HDAC4: variants seen among roughly 807,000 people sequenced by gnomAD.
HDAC4 encodes histone deacetylase 4, also known as histone deacetylase A.
HDAC4 carries 16 observed loss-of-function variants against 135.1 expected under a neutral mutation model. The ratio of observed to expected loss-of-function variants is 0.12; its 90% CI spans 0.08 to 0.18. The LOEUF (loss-of-function observed/expected upper bound fraction) is 0.18, where lower values mean the gene tolerates loss of function less well. HDAC4 is among the 10% of genes least tolerant of loss of function. The pLI is 1.00. For missense variants in HDAC4, 1,143 were observed against 1,511.8 expected (o/e 0.76, Z 4.05); for synonymous variants, 685 against 653.4 (o/e 1.05, Z -0.74).
At chr2:239,092,070 C>CA (rs2152728389) in intron 17 of HDAC4, among the ~76,000 whole-genome samples, 1 of 152,014 alleles carries the variant, frequency 6.6e-6, no homozygotes, top group African/African-American at 2.4e-5. Flanking sequence ...GACTCCGTCT[C>CA]AAAAACAAAC....
chr2:239,274,274 C>T (rs1241358225), intron 2 of HDAC4, among the ~76,000 whole-genome samples: 3 of 152,222 alleles, frequency 2.0e-5, no homozygotes. Context: ...GTTACACCCT[C>T]CCAGCTCATT....
chr2:239,137,298 C>T (rs1043695847), intron 9 of HDAC4, among the ~76,000 whole-genome samples: 1 of 152,226 alleles, frequency 6.6e-6, no homozygotes, highest in Non-Finnish European at 1.5e-5. Flanking sequence ...GGAAAGTCCG[C>T]GGGCCTGAGG....
At chr2:239,371,189 G>A (rs1033792438) in intron 1 of HDAC4, among the ~76,000 whole-genome samples, 26 of 152,138 alleles carry the variant, frequency 1.7e-4, no homozygotes, top group African/African-American at 2.4e-4. Flanking sequence ...CCACGGCCCC[G>A]TCCACTCAGG....
chr2:239,226,390 G>A (rs1378904664), intron 3 of HDAC4, among the ~76,000 whole-genome samples: 1 of 152,078 alleles, frequency 6.6e-6, no homozygotes, highest in Non-Finnish European at 1.5e-5. Context: ...CAACACGGTT[G>A]AGGGGCACTG....
chr2:239,162,289 A>G (rs2042852666), intron 6 of HDAC4: 1 of 456,508 alleles, frequency 2.2e-6, no homozygotes, highest in Non-Finnish European at 4.4e-6. Context: ...GCCCTGGTCC[A>G]GCAGGCTCTG....
At chr2:239,098,972 T>A (rs1434365647) in intron 16 of HDAC4, among the ~76,000 whole-genome samples, 1 of 152,198 alleles carries the variant, frequency 6.6e-6, no homozygotes, top group African/African-American at 2.4e-5. Context: ...AACCTTCCTG[T>A]AAACAAAAGA....
At chr2:239,388,354 C>T (rs577683037) in intron 1 of HDAC4, among the ~76,000 whole-genome samples, 30 of 152,228 alleles carry the variant, frequency 2.0e-4, no homozygotes, top group Non-Finnish European at 3.8e-4. Context: ...CACATTCCTT[C>T]TAACACACCA....
Position 239,115,382 on chromosome 2 carries a change from G to A in HDAC4, c.1534-72C>T. The A allele has an allele frequency of 6.3e-7, 1 of 1,583,440 alleles. No individual in the cohort carries two copies. ...GAGCTCATCTGACAGGAGAAGGGATGCTGCAAACCCCACCCTCTGGGGCAG... is the reference window on the plus strand; with the variant it reads ...GAGCTCATCTGACAGGAGAAGGGATACTGCAAACCCCACCCTCTGGGGCAG... On this transcript the variant is annotated intron_variant, in intron 12 of 26. Transcript: ENST00000543185. This position sits in a 1 kb window ranked among gnomAD's most constrained non-coding sequence, Gnocchi z 6.3.
chr2:239,173,252 A>G (rs1198590790), intron 5 of HDAC4, among the ~76,000 whole-genome samples: 1 of 152,236 alleles, frequency 6.6e-6, no homozygotes, highest in African/African-American at 2.4e-5. Flanking sequence ...GCAATCATAC[A>G]AAATAAAATG....
intron 14 of HDAC4, among the ~76,000 whole-genome samples, chr2:239,110,103 T>C (rs1258356174): frequency 2.0e-5 from 3 of 152,110 alleles, no homozygotes; most frequent in African/African-American, 7.2e-5. Context: ...CAGAGTCCCG[T>C]CTCTGTGAAA....
At chr2:239,311,247 A>G (rs2052861162) in intron 2 of HDAC4, among the ~76,000 whole-genome samples, 1 of 152,162 alleles carries the variant, frequency 6.6e-6, no homozygotes, top group Non-Finnish European at 1.5e-5. Context: ...AGCTCTCAGC[A>G]GCCTGAACTC....
At chr2:239,244,087 G>T (rs548410874) in intron 2 of HDAC4, among the ~76,000 whole-genome samples, 3 of 152,266 alleles carry the variant, frequency 2.0e-5, no homozygotes, top group Non-Finnish European at 1.5e-5. Context: ...ACTGAGCTGC[G>T]TGAACACCTA....
intron 2 of HDAC4, among the ~76,000 whole-genome samples, chr2:239,289,973 G>A (rs1265326927): frequency 6.6e-6 from 1 of 152,032 alleles, no homozygotes; most frequent in Non-Finnish European, 1.5e-5. Context: ...TTGAGTTAAG[G>A]AAAACAAATG....
intron 4 of HDAC4, 141 bp downstream of exon 4, chr2:239,189,692 C>T (rs1467906555): frequency 3.3e-5 from 25 of 763,058 alleles, no homozygotes; most frequent in Admixed American, 6.2e-5. Context: ...CTGGTGTTAC[C>T]GTCCCAACGC....
chr2:239,092,907 T>C (rs918731175), intron 17 of HDAC4, among the ~76,000 whole-genome samples: 1 of 152,114 alleles, frequency 6.6e-6, no homozygotes, highest in Non-Finnish European at 1.5e-5. Flanking sequence ...CTCCTCTCCT[T>C]TTCTCTCTCT....
At chr2:239,344,135 C>A (rs572472884) in intron 2 of HDAC4, among the ~76,000 whole-genome samples, 3 of 152,262 alleles carry the variant, frequency 2.0e-5, no homozygotes, top group East Asian at 3.9e-4. Flanking sequence ...AGCCTGGCAC[C>A]CGGAGGCAGC....
intron 15 of HDAC4, 88 bp from the exon 16 acceptor site, chr2:239,102,984 C>A: frequency 6.5e-7 from 1 of 1,532,150 alleles, no homozygotes; most frequent in Non-Finnish European, 9.0e-7. Context: ...GAAACCATTG[C>A]CCAAAAGGAA....
Position 239,270,839 on chromosome 2 carries a change from C to T in HDAC4, c.23-34175G>A, listed in dbSNP as rs191386713. On this transcript the variant is annotated intron_variant, in intron 2 of 26. Coordinates refer to ENST00000543185, the MANE Select transcript of HDAC4 (RefSeq NM_001378414.1). Reference sequence around the variant, plus strand: ...TAGTTCAAACCAAAATATGCACAGACCTCCAAAAAACCCCAGATACAGAGT... The same window carrying T: ...TAGTTCAAACCAAAATATGCACAGATCTCCAAAAAACCCCAGATACAGAGT... 2.6e-5 allele frequency among the ~76,000 whole-genome samples: 4 copies of T among 152,290 alleles called. No homozygotes were observed. The East Asian group carries it at 7.7e-4, about 29-fold the overall frequency.
At chr2:239,063,715 C>T (rs971414549) in intron 24 of HDAC4, among the ~76,000 whole-genome samples, 2 of 152,214 alleles carry the variant, frequency 1.3e-5, no homozygotes, top group Non-Finnish European at 2.9e-5. Context: ...GCCCAACTGT[C>T]CTCCCGTGAG....
Sources: allele counts gnomAD v4.1 joint callset (sites outside exome capture counted in the v4.1 genomes callset), GRCh38; gene constraint gnomAD v4.1.1; non-coding constraint Gnocchi (gnomAD v3.1); transcripts MANE v1.5; gene names NCBI Gene and HGNC (gene_info 2026-07-23, HGNC 2026-07-21).